The following ANKRD36 variants were observed in gnomAD, a reference collection of about 807,000 sequenced individuals.
ANKRD36 encodes the protein ankyrin repeat domain-containing protein 36A.
In ANKRD36, 179 loss-of-function variants were observed where a neutral mutation model predicts 278.1. That is an observed-to-expected ratio of 0.64 (90% CI 0.57 to 0.73). The LOEUF is 0.73. Ranked by LOEUF, ANKRD36 falls within the 30% of genes least tolerant of loss-of-function variation. ANKRD36 has a pLI of 0.00. For synonymous variants in ANKRD36, 320 were observed against 641.1 expected, an observed-to-expected ratio of 0.50 and a Z score of 7.57; for missense variants, 1,159 against 1,956.7, an observed-to-expected ratio of 0.59 and a Z score of 7.69.
intron 17 of ANKRD36, among the ~76,000 whole-genome samples, chr2:97,160,944 A>G (rs1402202939): frequency 6.6e-6 from 1 of 152,010 alleles, no homozygotes; most frequent in African/African-American, 2.4e-5. Context: ...ACATTAAGAA[A>G]ATATATTTTA....
Position 97,185,430 on chromosome 2 carries a change from A to G in ANKRD36, c.1969-8A>G. On this transcript the variant is annotated splice_polypyrimidine_tract_variant and splice_region_variant and intron_variant, in intron 29 of 75. Coordinates refer to ENST00000420699, the MANE Select transcript of ANKRD36 (RefSeq NM_001354587.1). ...CTTTATTGATAATTTGCTTCAAATT[A>G]CTTTCAGGCTACAAGTGACAAGACA... 2 of 1,609,574 alleles carry G rather than the reference A, an allele frequency of 1.2e-6. No individual in the cohort carries two copies. The highest frequency in any genetic ancestry group is 1.7e-6 in the Non-Finnish European group (2 of 1,177,780).
Position 97,241,478 on chromosome 2 carries a change from A to T in ANKRD36, c.4306A>T (p.Arg1436Ter). The change falls in exon 69 of 76, where the codon AGA becomes TGA. Residue 1436 changes from arginine (R) to a stop codon, truncating the protein, a stop_gained and splice_region_variant. Coordinates refer to ENST00000420699, the MANE Select transcript of ANKRD36 (RefSeq NM_001354587.1). LOFTEE classifies it high-confidence loss of function. ...ATTGGAAAAAGAACTCTGTAGTTTG[A>T]GGTATGACCTAGTTTTAAATAAATG... is the stretch of plus-strand genomic sequence containing the variant. ...LELEKELCSL[R>*]FAIQQEKKKR... 3 of 714,380 alleles carry T rather than the reference A, an allele frequency of 4.2e-6. 1 individual carries two copies. In the South Asian group the frequency reaches 6.4e-5, roughly 15 times the overall value. The allele number at this position is 714,380 out of a possible 1,614,324, so 44.3% of individuals were successfully genotyped here.
Position 97,225,747 on chromosome 2 carries a change from G to A in ANKRD36, c.3951+868G>A, listed in dbSNP as rs1264990718. ...CCATTAACTCGTCATTTAGCATTAGGTATATCTCCTAATGCTATCCCTCCC... is the reference window on the plus strand; with the variant it reads ...CCATTAACTCGTCATTTAGCATTAGATATATCTCCTAATGCTATCCCTCCC... On this transcript the variant is annotated intron_variant, in intron 67 of 75. Coordinates refer to ENST00000420699, the MANE Select transcript of ANKRD36 (RefSeq NM_001354587.1). Among the ~76,000 whole-genome samples the A allele has an allele frequency of 5.3e-5, 8 of 151,608 alleles. No homozygotes were observed. In the East Asian group the frequency reaches 1.6e-3, roughly 30 times the overall value.
intron 44 of ANKRD36, among the ~76,000 whole-genome samples, chr2:97,200,103 C>G (rs1425277913): frequency 2.0e-5 from 3 of 151,878 alleles, no homozygotes; most frequent in African/African-American, 4.8e-5. Context: ...GTTTTCGACA[C>G]ATGACAAATC....
intron 17 of ANKRD36, among the ~76,000 whole-genome samples, chr2:97,161,227 T>G (rs1175402358): frequency 6.6e-6 from 1 of 152,302 alleles, no homozygotes; most frequent in Admixed American, 6.5e-5. Flanking sequence ...TCCAGATTCT[T>G]TCCTGACTCT....
At chr2:97,262,640 A>G (rs2076845777) in intron 75 of ANKRD36, among the ~76,000 whole-genome samples, 1 of 134,638 alleles carries the variant, frequency 7.4e-6, no homozygotes, top group East Asian at 3.3e-4. Context: ...CCAATGTTGG[A>G]GGTGGGACCT....
chr2:97,138,536 T>C (rs1280985451), intron 6 of ANKRD36, among the ~76,000 whole-genome samples: 1 of 152,052 alleles, frequency 6.6e-6, no homozygotes, highest in Non-Finnish European at 1.5e-5. Context: ...TTCAGTGCTA[T>C]ACCCATCAAA....
In ANKRD36 at chr2:97,138,888, C is replaced by G. The variant is rs1051456886; in HGVS notation, c.800-3752C>G. Among the ~76,000 whole-genome samples, 47 of 152,060 alleles carry G rather than the reference C, an allele frequency of 3.1e-4. 1 individual carries two copies. The highest frequency in any genetic ancestry group is 1.1e-3 in the African/African-American group (44 of 41,432). On this transcript the variant is annotated intron_variant, in intron 6 of 75. Coordinates refer to ENST00000420699, the MANE Select transcript of ANKRD36 (RefSeq NM_001354587.1). ...AAACTGGCTAGCCTTATGCAGGAAA[C>G]TGAAACTGGACCCCTTCCTTACACT...
intron 67 of ANKRD36, among the ~76,000 whole-genome samples, chr2:97,226,557 T>G (rs2069705239): frequency 6.6e-6 from 1 of 151,490 alleles, no homozygotes; most frequent in Non-Finnish European, 1.5e-5. Flanking sequence ...TGCGAAAATT[T>G]TCTCCCATGT....
rs1553500928 is a variant in ANKRD36 at position 97,260,379 on chromosome 2, T to TACAC, written c.*7-3946_*7-3943dup. On this transcript the variant is annotated intron_variant, in intron 75 of 75. Transcript: ENST00000420699. ...ATATATATATATATATATATATATA[T>TACAC]ACACACATATATACATACACACACA... Among the ~76,000 whole-genome samples, 68 of 121,208 alleles carry TACAC rather than the reference T, an allele frequency of 5.6e-4. 8 individuals carry two copies. The East Asian group carries it at 7.5e-3, about 13-fold the overall frequency. The allele number at this position is 121,208 out of a possible 152,430, so 79.5% of individuals were successfully genotyped here. A position where few individuals can be genotyped will look rare whatever the true frequency, so the allele number is the denominator to read the frequency against.
chr2:97,213,749 T>G (rs2065257697), intron 60 of ANKRD36, 135 bp downstream of exon 60: 1 of 584,268 alleles, frequency 1.7e-6, no homozygotes, highest in African/African-American at 1.9e-5. Flanking sequence ...TCATTTTTAA[T>G]AAGTTCTTGG....
chr2:97,113,774 T>C lies in ANKRD36; in HGVS notation c.35T>C (p.Leu12Pro), dbSNP rs766112410. Reference protein sequence around the residue: ...EDGKRERWPTLMERLCSDGFA... With the variant: ...EDGKRERWPTPMERLCSDGFA... Reference sequence around the variant, plus strand: ...GGCAAGCGGGAGAGGTGGCCCACCCTCATGGAGCGCTTGTGCTCGGATGGC... The same window carrying C: ...GGCAAGCGGGAGAGGTGGCCCACCCCCATGGAGCGCTTGTGCTCGGATGGC... The change falls in exon 1 of 76, where the codon CTC becomes CCC. Residue 12 changes from leucine (L) to proline (P), a missense_variant. Transcript: ENST00000420699. The C allele has an allele frequency of 1.2e-6, 2 of 1,612,890 alleles. No homozygotes were observed. Among genetic ancestry groups the C allele is most frequent in the South Asian group, 1.1e-5 (1 of 90,902 alleles).
intron 48 of ANKRD36, among the ~76,000 whole-genome samples, 191 bp downstream of exon 48, chr2:97,202,584 T>C (rs2061690065): frequency 6.6e-6 from 1 of 151,812 alleles, no homozygotes; most frequent in East Asian, 1.9e-4. Context: ...GCTGTAAGAT[T>C]ATACACTTCC....
intron 69 of ANKRD36, among the ~76,000 whole-genome samples, chr2:97,243,209 A>G (rs796983335): frequency 6.8e-6 from 1 of 146,168 alleles, no homozygotes; most frequent in Admixed American, 6.9e-5. Flanking sequence ...TACATTTTAG[A>G]GAAGCATGAG....
intron 48 of ANKRD36, among the ~76,000 whole-genome samples, chr2:97,203,121 T>G (rs1281390628): frequency 2.6e-5 from 4 of 151,820 alleles, no homozygotes; most frequent in Non-Finnish European, 5.9e-5. Context: ...AACTTGAATC[T>G]GAATACATTG....
At chr2:97,181,256 C>T (rs544036902) in intron 24 of ANKRD36, among the ~76,000 whole-genome samples, 20 of 151,606 alleles carry the variant, frequency 1.3e-4, no homozygotes, top group Non-Finnish European at 2.8e-4. Flanking sequence ...GGATCATATA[C>T]CACCTGCTTT....
At chr2:97,129,419 G>T (rs545017797) in intron 6 of ANKRD36, among the ~76,000 whole-genome samples, 2 of 151,998 alleles carry the variant, frequency 1.3e-5, no homozygotes, top group African/African-American at 2.4e-5. Flanking sequence ...CATTCTGTAG[G>T]TTGTCTGTTC....
chr2:97,151,538 T>C (rs1471042021), intron 12 of ANKRD36, among the ~76,000 whole-genome samples: 2 of 152,310 alleles, frequency 1.3e-5, no homozygotes, highest in African/African-American at 4.8e-5. Flanking sequence ...ATTTACTTTT[T>C]TTATTATTAG....
intron 67 of ANKRD36, among the ~76,000 whole-genome samples, chr2:97,225,603 G>A (rs1168204486): frequency 6.6e-6 from 1 of 152,054 alleles, no homozygotes; most frequent in African/African-American, 2.4e-5. Context: ...GCATTAAAAT[G>A]TAAGAATTTG....
Sources: gnomAD v4.1 joint callset for allele counts (sites outside exome capture counted in the v4.1 genomes callset) on GRCh38, gnomAD v4.1.1 for gene constraint, MANE v1.5 for transcripts, NCBI Gene and HGNC (gene_info 2026-07-23, HGNC 2026-07-21) for gene names.